TRIOBP: variants seen among roughly 807,000 people sequenced by gnomAD.
The protein encoded by TRIOBP is TRIO and F-actin binding protein, also known as TRIO and F-actin-binding protein.
TRIOBP carries 169 observed loss-of-function variants against 238.8 expected under a neutral mutation model. The ratio of observed to expected loss-of-function variants is 0.71; its 90% CI spans 0.62 to 0.80. The LOEUF is 0.80. Ranked by LOEUF, TRIOBP falls within the 30% of genes least tolerant of loss-of-function variation. TRIOBP has a pLI of 0.00. For missense variants in TRIOBP, 2,838 were observed against 3,122.6 expected (o/e 0.91, Z 2.17); for synonymous variants, 1,150 against 1,274.4 (o/e 0.90, Z 2.08).
intron 21 of TRIOBP, 35 bp from the exon 22 acceptor site, chr22:37,771,615 C>T (rs1926777231): frequency 6.2e-7 from 1 of 1,602,496 alleles, no homozygotes; most frequent in African/African-American, 1.3e-5. Flanking sequence ...GCTCTGGCTT[C>T]TGGCCCTGGG....
At chr22:37,700,472 G>C (rs902975867) in intron 2 of TRIOBP, among the ~76,000 whole-genome samples, 2 of 150,258 alleles carry the variant, frequency 1.3e-5, no homozygotes, top group Non-Finnish European at 3.0e-5. Context: ...TCTCAGTGCA[G>C]TGGCACAGTC....
chr22:37,718,388 CATGCTGTCACCTCTCAGT>C (rs988421740), intron 6 of TRIOBP, among the ~76,000 whole-genome samples: 1 of 152,250 alleles, frequency 6.6e-6, no homozygotes, highest in Non-Finnish European at 1.5e-5. Context: ...GGGCCGCCAG[CATGCTGTCACCTCTCAGT>C]ATCACCCCTC....
At chr22:37,740,720 G>A (rs1924892137) in intron 10 of TRIOBP, among the ~76,000 whole-genome samples, 175 bp from the exon 11 acceptor site, 1 of 152,178 alleles carries the variant, frequency 6.6e-6, no homozygotes, top group South Asian at 2.1e-4. Flanking sequence ...AGTCCAACAC[G>A]ATGTAGTGTG....
Position 37,734,391 on chromosome 22 carries a change from AT to A in TRIOBP, c.4063-7del. On this transcript the variant is annotated splice_region_variant and splice_polypyrimidine_tract_variant and intron_variant, in intron 8 of 23. Coordinates refer to ENST00000644935, the MANE Select transcript of TRIOBP (RefSeq NM_001039141.3). ...AGAGCCTCACCTACCCCCTCACCTCATCCCCAGGTGACCATGCTCCCTGCCA... is the reference window on the plus strand; with the variant it reads ...AGAGCCTCACCTACCCCCTCACCTCACCCCAGGTGACCATGCTCCCTGCCA... 1 of 1,612,082 alleles carries A rather than the reference AT, an allele frequency of 6.2e-7. No individual in the cohort carries two copies. Among genetic ancestry groups the A allele is most frequent in the Non-Finnish European group, 8.5e-7 (1 of 1,179,324 alleles).
chr22:37,712,378 C>CTG lies in TRIOBP; in HGVS notation c.255-831_255-830dup, dbSNP rs1474171205. Among the ~76,000 whole-genome samples, 4 of 152,122 alleles carry CTG rather than the reference C, an allele frequency of 2.6e-5. No homozygotes were observed. In the East Asian group the frequency reaches 7.8e-4, roughly 30 times the overall value. On this transcript the variant is annotated intron_variant, in intron 4 of 23. Transcript: ENST00000644935. ...ATAGAGTCTCGTGCTGTCACCCAGG[C>CTG]TGGAGCGCAATGGCACGATCTTGGC...
chr22:37,751,743 A>C (rs1203598551), intron 11 of TRIOBP, 29 bp from the exon 12 acceptor site: 2 of 1,613,806 alleles, frequency 1.2e-6, no homozygotes, highest in African/African-American at 2.7e-5. Flanking sequence ...TGCTGGACCC[A>C]ACTCACCTCC....
intron 17 of TRIOBP, among the ~76,000 whole-genome samples, chr22:37,761,195 C>G (rs1169938273): frequency 6.6e-6 from 1 of 151,992 alleles, no homozygotes; most frequent in African/African-American, 2.4e-5. Flanking sequence ...ATGCCTGTAT[C>G]TCAGCACTTT....
chr22:37,740,187 T>C (rs1310063399), intron 10 of TRIOBP, among the ~76,000 whole-genome samples: 2 of 151,922 alleles, frequency 1.3e-5, no homozygotes, highest in Admixed American at 1.3e-4. Context: ...TTCCAAAGAG[T>C]CTGCAGATTC....
intron 17 of TRIOBP, among the ~76,000 whole-genome samples, chr22:37,762,380 A>T (rs565326484): frequency 8.5e-5 from 13 of 152,226 alleles, no homozygotes; most frequent in Middle Eastern, 3.4e-3. Context: ...TGTCCGTTTT[A>T]CTCATAGAGC....
intron 10 of TRIOBP, among the ~76,000 whole-genome samples, 190 bp downstream of exon 10, chr22:37,738,909 C>A (rs779247487): frequency 1.1e-4 from 17 of 152,062 alleles, no homozygotes; most frequent in Non-Finnish European, 2.2e-4. Context: ...GGCTTGGGGA[C>A]CTGGGTAGGT....
At chr22:37,741,077 G>A in intron 11 of TRIOBP, 45 bp downstream of exon 11, 1 of 1,548,720 alleles carries the variant, frequency 6.5e-7, no homozygotes, top group Non-Finnish European at 8.7e-7. Context: ...GGTGGATAGA[G>A]ACGGGGATGG....
chr22:37,767,990 T>G (rs990905591), intron 18 of TRIOBP, 84 bp from the exon 19 acceptor site: 4 of 1,013,280 alleles, frequency 3.9e-6, no homozygotes, highest in African/African-American at 1.6e-5. Flanking sequence ...ACTCCACCAG[T>G]ACATGTGGCG....
chr22:37,769,423 G>T, intron 21 of TRIOBP, 48 bp downstream of exon 21: 1 of 1,494,006 alleles, frequency 6.7e-7, no homozygotes, highest in South Asian at 1.2e-5. Context: ...CTCGGGGCCC[G>T]GGGCTATGGG....
intron 11 of TRIOBP, among the ~76,000 whole-genome samples, chr22:37,743,849 GGTGTGTGTGAGTGTGTGCTGGGTGTGT>G (rs1925081509): frequency 2.0e-5 from 2 of 97,778 alleles, no homozygotes; most frequent in African/African-American, 9.1e-5. Context: ...GTGTGTGCTG[GGTGTGTGTGAGTGTGTGCTGGGTGTGT>G]GTGTGTGTGT....
Position 37,743,801 on chromosome 22 carries a change from A to ATGTGTGTGTGTGTGTGTG in TRIOBP, c.5322+2796_5322+2813dup, listed in dbSNP as rs71195050. 6.7e-4 allele frequency among the ~76,000 whole-genome samples: 77 copies of ATGTGTGTGTGTGTGTGTG among 114,176 alleles called. 1 individual carries two copies. The highest frequency in any genetic ancestry group is 1.5e-3 in the African/African-American group (44 of 30,342). 74.9% of individuals were successfully genotyped at this position (114,176 alleles called of 152,430 possible). A position where few individuals can be genotyped will look rare whatever the true frequency, so the allele number is the denominator to read the frequency against. ...GGGGAAGGGGAGAAAGAGAGAGAGA[A>ATGTGTGTGTGTGTGTGTG]TGTGTGTGTGTGTGTGTGTGTGTGT... On this transcript the variant is annotated intron_variant, in intron 11 of 23. Coordinates refer to ENST00000644935, the MANE Select transcript of TRIOBP (RefSeq NM_001039141.3).
rs1233777224 is a variant in TRIOBP, at chr22:37,734,564, CAG to C, written c.4232_4233del (p.Arg1411ThrfsTer30). 11 of 1,588,206 alleles carry C rather than the reference CAG, an allele frequency of 6.9e-6. No homozygotes were observed. The highest frequency in any genetic ancestry group is 1.8e-5 in the Admixed American group (1 of 55,154). ...ARTPERELRT[Q>X]RPLESGQAGP... ...GACCCCTGAGAGGGAGCTGCGGACA[CAG>C]AGACCTCTGGAGAGTGGCCAAGCAG... is the stretch of plus-strand genomic sequence containing the variant. On this transcript the variant is annotated frameshift_variant, in exon 9 of 24. Transcript: ENST00000644935. LOFTEE classifies it high-confidence loss of function.
intron 7 of TRIOBP, among the ~76,000 whole-genome samples, chr22:37,732,464 C>G (rs571242413): frequency 6.8e-6 from 1 of 146,080 alleles, no homozygotes; most frequent in Non-Finnish European, 1.5e-5. Context: ...GAGCCGAGAT[C>G]GCGCCACTGC....
intron 17 of TRIOBP, 32 bp from the exon 18 acceptor site, chr22:37,765,638 C>T (rs561762612): frequency 6.5e-7 from 1 of 1,548,474 alleles, no homozygotes. Context: ...AGGAACGGGG[C>T]AGCCTGTGAC....
intron 12 of TRIOBP, among the ~76,000 whole-genome samples, chr22:37,753,272 ATT>A (rs1925720046): frequency 6.7e-6 from 1 of 149,950 alleles, no homozygotes; most frequent in South Asian, 2.1e-4. Context: ...TTTGTTTTTT[ATT>A]TTTGTTTTTT....
Sources: gnomAD v4.1 joint callset for allele counts (sites outside exome capture counted in the v4.1 genomes callset) on GRCh38, gnomAD v4.1.1 for gene constraint, MANE v1.5 for transcripts, NCBI Gene and HGNC (gene_info 2026-07-23, HGNC 2026-07-21) for gene names.